Variants in MINDY4 observed in about 807,000 individuals in gnomAD.
MINDY4 encodes the protein probable ubiquitin carboxyl-terminal hydrolase MINDY-4.
Under a neutral mutation model 87.0 loss-of-function variants are expected in MINDY4, and 68 were observed. That is an observed-to-expected ratio of 0.78 (90% CI 0.64 to 0.96). The LOEUF (loss-of-function observed/expected upper bound fraction) is 0.96. MINDY4 is among the 40% of genes least tolerant of loss of function. The pLI is 0.00. For synonymous variants in MINDY4, 379 were observed against 363.2 expected (o/e 1.04, Z -0.50); for missense variants, 919 against 928.2 (o/e 0.99, Z 0.13).
intron 12 of MINDY4, among the ~76,000 whole-genome samples, chr7:30,854,993 C>T (rs1246194013): frequency 1.3e-5 from 2 of 152,256 alleles, no homozygotes; most frequent in African/African-American, 4.8e-5. Flanking sequence ...CTGGCCGGGG[C>T]ATCGGGAGCC....
intron 1 of MINDY4, among the ~76,000 whole-genome samples, chr7:30,776,449 C>T (rs1786817201): frequency 6.6e-6 from 1 of 152,150 alleles, no homozygotes; most frequent in South Asian, 2.1e-4. Context: ...GCAGCGCATC[C>T]CCACACCCAC....
At chr7:30,776,187 A>C (rs1047286357) in intron 1 of MINDY4, among the ~76,000 whole-genome samples, 48 of 152,220 alleles carry the variant, frequency 3.2e-4, no homozygotes, top group African/African-American at 1.0e-3. Context: ...ATGTCAGTTC[A>C]AAATAGTAGC....
chr7:30,850,500 G>C lies in MINDY4; in HGVS notation c.1492G>C (p.Ala498Pro). The C allele has an allele frequency of 6.2e-7, 1 of 1,612,588 alleles. No homozygotes were observed. Among genetic ancestry groups the C allele is most frequent in the South Asian group, 1.1e-5 (1 of 90,554 alleles). Reference sequence around the variant, plus strand: ...CCACCGGACCCGCTGCCTCGTCCTGGCCCTCGCAGACATTGTGTGGCGGGC... The same window carrying C: ...CCACCGGACCCGCTGCCTCGTCCTGCCCCTCGCAGACATTGTGTGGCGGGC... ...DAHRTRCLVL[A>P]LADIVWRAGG... Residue 498 changes from alanine (A) to proline (P), a missense_variant, in exon 10 of 18, where the codon GCC becomes CCC. Ala to Pro is a conservative substitution (Grantham distance 27). Transcript: ENST00000265299.
At chr7:30,883,021 G>T in intron 17 of MINDY4, 28 bp downstream of exon 17, 2 of 1,609,686 alleles carry the variant, frequency 1.2e-6, no homozygotes, top group Non-Finnish European at 1.7e-6. Context: ...CTGGCTTTGA[G>T]CCTCACCCTG....
chr7:30,833,030 A>G (rs1389735673), intron 6 of MINDY4, among the ~76,000 whole-genome samples: 1 of 152,118 alleles, frequency 6.6e-6, no homozygotes, highest in Non-Finnish European at 1.5e-5. Context: ...GCATTGTGTT[A>G]TATATCTCAT....
At chr7:30,842,463 C>T (rs1789071018) in intron 9 of MINDY4, among the ~76,000 whole-genome samples, 1 of 152,204 alleles carries the variant, frequency 6.6e-6, no homozygotes, top group Admixed American at 6.5e-5. Context: ...GCTGGCTGCC[C>T]TCAGAGGGTA....
chr7:30,841,456 A>C (rs565149158), intron 9 of MINDY4, among the ~76,000 whole-genome samples: 1 of 152,212 alleles, frequency 6.6e-6, no homozygotes, highest in African/African-American at 2.4e-5. Context: ...CAGATAGAAA[A>C]CCCCAATCCC....
chr7:30,801,731 C>T (rs1279640122), intron 5 of MINDY4, among the ~76,000 whole-genome samples: 1 of 152,216 alleles, frequency 6.6e-6, no homozygotes, highest in Non-Finnish European at 1.5e-5. Context: ...CCCAAGGTAC[C>T]TTCAGTTCCA....
intron 5 of MINDY4, among the ~76,000 whole-genome samples, chr7:30,827,509 C>T (rs1788549030): frequency 6.6e-6 from 1 of 152,176 alleles, no homozygotes; most frequent in South Asian, 2.1e-4. Flanking sequence ...TGCCTTAACT[C>T]CTCTTTCCAG....
intron 17 of MINDY4, 139 bp from the exon 18 acceptor site, chr7:30,891,818 G>T: frequency 1.3e-6 from 1 of 798,424 alleles, no homozygotes; most frequent in Non-Finnish European, 2.2e-6. Context: ...AATTTGGAGG[G>T]GTGAGATGAG....
rs1254861250 is a variant in MINDY4 at position 30,865,209 on chromosome 7, G to T, written c.1745+5885G>T. On this transcript the variant is annotated intron_variant, in intron 13 of 17. Transcript: ENST00000265299. Reference sequence around the variant, plus strand: ...CTCTCTCACCTGAATCTTCCCCCAGGTCACATGTGAGGCAGGGTGGGTTGG... The same window carrying T: ...CTCTCTCACCTGAATCTTCCCCCAGTTCACATGTGAGGCAGGGTGGGTTGG... Among the ~76,000 whole-genome samples the T allele has an allele frequency of 2.6e-5, 4 of 152,180 alleles. No individual in the cohort carries two copies. In the East Asian group the frequency reaches 7.7e-4, roughly 29 times the overall value.
At chr7:30,807,560 G>A (rs1270757178) in intron 5 of MINDY4, among the ~76,000 whole-genome samples, 1 of 152,032 alleles carries the variant, frequency 6.6e-6, no homozygotes, top group East Asian at 1.9e-4. Context: ...GTTGTCTTAT[G>A]CCCAATTTCT....
At chr7:30,779,037 G>C (rs940848896) in intron 2 of MINDY4, among the ~76,000 whole-genome samples, 1 of 152,166 alleles carries the variant, frequency 6.6e-6, no homozygotes, top group African/African-American at 2.4e-5. Context: ...AGGTGCATTA[G>C]AGTTGGAAAA....
At chr7:30,838,695 C>T (rs1788935980) in intron 7 of MINDY4, among the ~76,000 whole-genome samples, 1 of 152,212 alleles carries the variant, frequency 6.6e-6, no homozygotes, top group Admixed American at 6.5e-5. Context: ...AAACCCGGCA[C>T]ACTGTGGAAT....
At chr7:30,822,225 T>G (rs1437453724) in intron 5 of MINDY4, among the ~76,000 whole-genome samples, 1 of 152,010 alleles carries the variant, frequency 6.6e-6, no homozygotes, top group African/African-American at 2.4e-5. Flanking sequence ...ACACCCAGAC[T>G]GGAGTGCAGT....
chr7:30,831,649 G>C (rs1788704913), intron 6 of MINDY4, among the ~76,000 whole-genome samples: 1 of 152,006 alleles, frequency 6.6e-6, no homozygotes, highest in Non-Finnish European at 1.5e-5. Context: ...AGCCAGGAAG[G>C]GTTCTGAGTT....
At chr7:30,787,460 C>A (rs990943558) in intron 4 of MINDY4, among the ~76,000 whole-genome samples, 2 of 152,216 alleles carry the variant, frequency 1.3e-5, no homozygotes, top group African/African-American at 4.8e-5. Context: ...GTTGGAATAG[C>A]CCATCTCCAT....
At chr7:30,849,640 G>A (rs1013939900) in intron 9 of MINDY4, among the ~76,000 whole-genome samples, 1 of 152,012 alleles carries the variant, frequency 6.6e-6, no homozygotes, top group Non-Finnish European at 1.5e-5. Context: ...CTCTGCCTCC[G>A]CTGATTCCTT....
At chr7:30,797,884 T>C (rs756908470) in intron 5 of MINDY4, among the ~76,000 whole-genome samples, 46 of 152,134 alleles carry the variant, frequency 3.0e-4, no homozygotes, top group Non-Finnish European at 5.9e-4. Context: ...AGACATGGGC[T>C]AGAATATGGG....
Sources: allele counts gnomAD v4.1 joint callset (sites outside exome capture counted in the v4.1 genomes callset), GRCh38; gene constraint gnomAD v4.1.1; transcripts MANE v1.5; gene names NCBI Gene and HGNC (gene_info 2026-07-23, HGNC 2026-07-21).